MAST2: variants seen among roughly 807,000 people sequenced by gnomAD.
MAST2 encodes the protein microtubule associated serine/threonine kinase 2.
MAST2 carries 70 observed loss-of-function variants against 147.4 expected under a neutral mutation model. The observed-to-expected ratio is 0.47, with a 90% CI of 0.39 to 0.58. The LOEUF (loss-of-function observed/expected upper bound fraction) is 0.58. Ranked by LOEUF, MAST2 falls within the 20% of genes least tolerant of loss-of-function variation. The pLI, the probability that MAST2 is intolerant of heterozygous loss-of-function variation, is 0.00. For missense variants in MAST2, 2,080 were observed against 2,302.3 expected (o/e 0.90, Z 1.98); for synonymous variants, 869 against 896.8 (o/e 0.97, Z 0.55).
intron 5 of MAST2, among the ~76,000 whole-genome samples, chr1:45,967,923 CGT>C (rs2148967687): frequency 6.6e-6 from 1 of 152,264 alleles, no homozygotes; most frequent in African/African-American, 2.4e-5. Flanking sequence ...CATGTGTGTA[CGT>C]GTGTGCATAA....
At chr1:46,014,145 A>G (rs960798824) in intron 10 of MAST2, among the ~76,000 whole-genome samples, 2 of 151,374 alleles carry the variant, frequency 1.3e-5, no homozygotes, top group Non-Finnish European at 2.9e-5. Context: ...TTGATTTTTA[A>G]TACTATTTAA....
chr1:45,839,795 C>T (rs969293039), intron 3 of MAST2, among the ~76,000 whole-genome samples: 2 of 152,106 alleles, frequency 1.3e-5, no homozygotes, highest in East Asian at 1.9e-4. Context: ...GAACAGTAAT[C>T]GGGTCAGTGT....
At chr1:45,964,803 G>T (rs1038016180) in intron 5 of MAST2, among the ~76,000 whole-genome samples, 4 of 152,006 alleles carry the variant, frequency 2.6e-5, no homozygotes, top group Non-Finnish European at 5.9e-5. Flanking sequence ...TCTTTTAATT[G>T]TGATGTTAGG....
At chr1:45,836,668 T>C (rs974797216) in intron 3 of MAST2, among the ~76,000 whole-genome samples, 1 of 152,214 alleles carries the variant, frequency 6.6e-6, no homozygotes, top group Non-Finnish European at 1.5e-5. Context: ...GAGATATCTA[T>C]ATCTATATGT....
intron 4 of MAST2, among the ~76,000 whole-genome samples, chr1:45,955,167 A>G (rs969816949): frequency 6.6e-6 from 1 of 152,212 alleles, no homozygotes; most frequent in Non-Finnish European, 1.5e-5. Flanking sequence ...GAGAGACAAC[A>G]AAATGAATGT....
intron 4 of MAST2, among the ~76,000 whole-genome samples, chr1:45,893,797 T>A (rs1648267963): frequency 6.6e-6 from 1 of 152,186 alleles, no homozygotes. Flanking sequence ...ACACTGAACA[T>A]GTCTTCTGGT....
chr1:45,939,932 A>T (rs1006725391), intron 4 of MAST2, among the ~76,000 whole-genome samples: 2 of 150,112 alleles, frequency 1.3e-5, no homozygotes, highest in Non-Finnish European at 3.0e-5. Context: ...TGCCATCTCA[A>T]CAACACTGAG....
intron 1 of MAST2, among the ~76,000 whole-genome samples, chr1:45,804,912 T>C (rs1456115481): frequency 2.0e-5 from 3 of 152,242 alleles, no homozygotes; most frequent in African/African-American, 4.8e-5. Context: ...AAAAATGTTC[T>C]GTAGTAATGA....
chr1:45,960,174 C>A (rs1056403947), intron 5 of MAST2, among the ~76,000 whole-genome samples: 27 of 152,116 alleles, frequency 1.8e-4, no homozygotes, highest in African/African-American at 6.5e-4. Flanking sequence ...CTCTTCCCGA[C>A]AGTATAAGGA....
intron 4 of MAST2, among the ~76,000 whole-genome samples, chr1:45,947,319 A>AC (rs58972532): frequency 0.26 from 38,092 of 144,756 alleles, 4,990 homozygotes; most frequent in South Asian, 0.36. Flanking sequence ...AAAAAAAAAA[A>AC]AAAAAAAAAA....
At chr1:45,834,171 T>A (rs1645038350) in intron 3 of MAST2, among the ~76,000 whole-genome samples, 1 of 152,118 alleles carries the variant, frequency 6.6e-6, no homozygotes, top group Non-Finnish European at 1.5e-5. Context: ...CAGAACAGGA[T>A]TCACATATAA....
chr1:45,975,383 A>T (rs1644095068), intron 5 of MAST2, among the ~76,000 whole-genome samples: 1 of 151,412 alleles, frequency 6.6e-6, no homozygotes, highest in Non-Finnish European at 1.5e-5. Context: ...AGTTGCCTGG[A>T]TACGATGGCT....
In MAST2 at chr1:45,866,042, AG is replaced by A. The variant is rs1646137426; in HGVS notation, c.469-16320del. Among the ~76,000 whole-genome samples, 5 of 152,336 alleles carry A rather than the reference AG, an allele frequency of 3.3e-5. No individual in the cohort carries two copies. In the South Asian group the frequency reaches 1.0e-3, roughly 32 times the overall value. On this transcript the variant is annotated intron_variant, in intron 3 of 28. Coordinates refer to ENST00000361297, the MANE Select transcript of MAST2 (RefSeq NM_015112.3). ...GCACTTTTTTTGTACAAAATACCTA[AG>A]GATTTTAAAATTATCATGAATTAAC...
chr1:46,034,055 T>C lies in MAST2; in HGVS notation c.3675-18T>C. The C allele has an allele frequency of 6.2e-7, 1 of 1,610,848 alleles. No individual in the cohort carries two copies. The highest frequency in any genetic ancestry group is 8.5e-7 in the Non-Finnish European group (1 of 1,178,350). ...GTGCTCACTGCACCGACTCAGCCTT[T>C]GACCCTTATCCCCGCAGCAGAAAAA... On this transcript the variant is annotated intron_variant, in intron 27 of 28. Transcript: ENST00000361297.
At position 45,829,467 on chromosome 1, in the gene MAST2, T is replaced by C. The variant is rs369594645; in HGVS notation, c.354T>C (p.Ser118=). Residue 118 remains serine, a synonymous_variant, in exon 3 of 29, where the codon AGT becomes AGC. Coordinates refer to ENST00000361297, the MANE Select transcript of MAST2 (RefSeq NM_015112.3). ...AGCAGCTGCTCCCTTTGTCCAGCAG[T>C]GTACATAGCAGTGTGGGACAGGTGA... The part of the protein sequence containing the change: ...SGKQLLPLSS[S]VHSSVGQVTW... The C allele has an allele frequency of 4.3e-6, 7 of 1,613,812 alleles. No individual in the cohort carries two copies. The highest frequency in any genetic ancestry group is 5.9e-6 in the Non-Finnish European group (7 of 1,179,918).
At chr1:46,030,408 A>G (rs1646600980) in intron 21 of MAST2, 170 bp downstream of exon 21, 4 of 825,176 alleles carry the variant, frequency 4.8e-6, no homozygotes, top group Non-Finnish European at 7.5e-6. Flanking sequence ...GTGCTTCTAG[A>G]ACCACTGCTG....
chr1:45,934,462 G>T (rs1655884112), intron 4 of MAST2, among the ~76,000 whole-genome samples: 1 of 151,926 alleles, frequency 6.6e-6, no homozygotes, highest in African/African-American at 2.4e-5. Flanking sequence ...CTCCAGCTCT[G>T]TTGCCTAGGC....
At chr1:45,979,294 C>A (rs903973136) in intron 5 of MAST2, among the ~76,000 whole-genome samples, 7 of 152,172 alleles carry the variant, frequency 4.6e-5, no homozygotes, top group South Asian at 2.1e-4. Flanking sequence ...TGACTGCTCC[C>A]AGTTTTGTTT....
chr1:46,010,771 C>T lies in MAST2; in HGVS notation c.1020C>T (p.Ser340=), dbSNP rs537876620. The change falls in exon 10 of 29, where the codon TCC becomes TCT. Residue 340 remains serine, a synonymous_variant. Transcript: ENST00000361297. ...AAGAGCGACTAGCAGAGTTTATTTC[C>T]TCCAACACTCCAGACAGCGTGCTGC... ...QMEERLAEFI[S]SNTPDSVLPL... is the part of the protein sequence containing the mutation. 76 of 1,614,034 alleles carry T rather than the reference C, an allele frequency of 4.7e-5. 1 individual carries two copies. In the South Asian group the frequency reaches 8.0e-4, roughly 17 times the overall value.
Sources: gnomAD v4.1 joint callset for allele counts (sites outside exome capture counted in the v4.1 genomes callset) on GRCh38, gnomAD v4.1.1 for gene constraint, MANE v1.5 for transcripts, NCBI Gene and HGNC (gene_info 2026-07-23, HGNC 2026-07-21) for gene names.